CIMIP2C: variants seen among roughly 807,000 people sequenced by gnomAD.
CIMIP2C encodes the protein ciliary microtubule inner protein 2C.
the CIMIP2C span, among the ~76,000 whole-genome samples, chr2:26,575,429 C>T: frequency 2.0e-5 from 3 of 152,214 alleles, no homozygotes; most frequent in Non-Finnish European, 2.9e-5. Context: ...TGAGTAAATG[C>T]GGGCCCCTGG....
chr2:26,569,118 T>C, the CIMIP2C span, among the ~76,000 whole-genome samples: 1 of 151,890 alleles, frequency 6.6e-6, no homozygotes, highest in East Asian at 1.9e-4. Flanking sequence ...AGGCAGGGTC[T>C]GTGGGCTGGG....
chr2:26,578,833 C>G, the CIMIP2C span: 1 of 471,296 alleles, frequency 2.1e-6, no homozygotes. Context: ...AAAGGGCCAA[C>G]CAGGTGGTTG....
chr2:26,570,851 A>ATCTTGC, the CIMIP2C span, among the ~76,000 whole-genome samples: 1 of 152,078 alleles, frequency 6.6e-6, no homozygotes, highest in Non-Finnish European at 1.5e-5. Context: ...CAGGCAAGCA[A>ATCTTGC]TGAGGGAGGC....
At chr2:26,572,015 A>G in the CIMIP2C span, 1 of 1,249,078 alleles carries the variant, frequency 8.0e-7, no homozygotes, top group Non-Finnish European at 1.1e-6. Flanking sequence ...AGATATTAGT[A>G]CAAAAAGATC....
chr2:26,576,892 T>C, the CIMIP2C span, among the ~76,000 whole-genome samples: 1 of 152,008 alleles, frequency 6.6e-6, no homozygotes, highest in Non-Finnish European at 1.5e-5. Context: ...GGGATAAGGG[T>C]TCATTCTCTC....
chr2:26,564,336 A>T, the CIMIP2C span, among the ~76,000 whole-genome samples: 8 of 152,022 alleles, frequency 5.3e-5, no homozygotes, highest in Admixed American at 2.6e-4. Context: ...CAGTTCCCCA[A>T]CTCTGTTTGG....
At chr2:26,570,764 T>C in the CIMIP2C span, among the ~76,000 whole-genome samples, 1 of 152,150 alleles carries the variant, frequency 6.6e-6, no homozygotes, top group African/African-American at 2.4e-5. Flanking sequence ...AGAGGAGGGA[T>C]GGCTCTGGTG....
chr2:26,573,081 G>A, the CIMIP2C span, among the ~76,000 whole-genome samples: 3 of 152,204 alleles, frequency 2.0e-5, no homozygotes, highest in African/African-American at 4.8e-5. Flanking sequence ...AGTGTGAGCC[G>A]AGGACATTGG....
chr2:26,575,671 C>G, the CIMIP2C span, among the ~76,000 whole-genome samples: 1 of 151,780 alleles, frequency 6.6e-6, no homozygotes, highest in Non-Finnish European at 1.5e-5. Context: ...TGCCCTTCAT[C>G]TTTTTTTTTC....
chr2:26,577,437 A>G, the CIMIP2C span: 4,475 of 1,318,610 alleles, frequency 3.4e-3, 9 homozygotes, highest in Non-Finnish European at 4.0e-3. Context: ...GCCCAGGTGC[A>G]GCGAGGCATG....
the CIMIP2C span, among the ~76,000 whole-genome samples, chr2:26,576,423 C>T: frequency 1.5e-4 from 23 of 152,344 alleles, no homozygotes; most frequent in Non-Finnish European, 3.2e-4. Context: ...CTCCTGCTCA[C>T]TCCCACTGCC....
the CIMIP2C span, among the ~76,000 whole-genome samples, chr2:26,573,827 C>A: frequency 6.6e-6 from 1 of 152,192 alleles, no homozygotes; most frequent in Admixed American, 6.5e-5. Flanking sequence ...CCCTCTGCAG[C>A]CTCATTGCAG....
the CIMIP2C span, chr2:26,577,594 AGG>A: frequency 1.2e-6 from 2 of 1,613,964 alleles, no homozygotes; most frequent in Middle Eastern, 1.6e-4. Context: ...GATGCCCGTG[AGG>A]GAGCCGGAAC....
chr2:26,577,983 G>T, the CIMIP2C span: 1 of 276,056 alleles, frequency 3.6e-6, no homozygotes, highest in Non-Finnish European at 6.8e-6. Context: ...GATGCAGAGC[G>T]CAGTAAGGAG....
the CIMIP2C span, among the ~76,000 whole-genome samples, chr2:26,574,047 G>A: frequency 2.1e-4 from 32 of 152,208 alleles, no homozygotes; most frequent in African/African-American, 6.5e-4. Flanking sequence ...TCCAGGCAGC[G>A]CCCGTTCTGT....
At chr2:26,577,086 G>T in the CIMIP2C span, among the ~76,000 whole-genome samples, 1 of 152,190 alleles carries the variant, frequency 6.6e-6, no homozygotes, top group Non-Finnish European at 1.5e-5. Flanking sequence ...CATCTCAGGG[G>T]GTCTGCCAAA....
the CIMIP2C span, chr2:26,577,751 G>A: frequency 1.4e-6 from 1 of 710,036 alleles, no homozygotes; most frequent in Non-Finnish European, 2.4e-6. Context: ...CCTAAAACGT[G>A]CAGTGCAGAG....
the CIMIP2C span, chr2:26,577,602 G>A: frequency 3.3e-5 from 53 of 1,613,768 alleles, no homozygotes; most frequent in Middle Eastern, 1.2e-3. Flanking sequence ...TGAGGGAGCC[G>A]GAACGGTACC....
the CIMIP2C span, among the ~76,000 whole-genome samples, chr2:26,573,378 C>T: frequency 7.0e-6 from 1 of 143,738 alleles, no homozygotes; most frequent in Non-Finnish European, 1.5e-5. Context: ...AACCACGGCT[C>T]ATGCCCACTT....
Sources: gnomAD v4.1 joint callset for allele counts (sites outside exome capture counted in the v4.1 genomes callset) on GRCh38, gnomAD v4.1.1 for gene constraint, MANE v1.5 for transcripts, NCBI Gene and HGNC (gene_info 2026-07-23, HGNC 2026-07-21) for gene names.